Variants in ENTREP2 observed in about 807,000 individuals in gnomAD.
The protein encoded by ENTREP2 is protein ENTREP2.
At chr15:29,511,493 T>C in the ENTREP2 span, among the ~76,000 whole-genome samples, 2 of 151,140 alleles carry the variant, frequency 1.3e-5, no homozygotes, top group African/African-American at 4.9e-5. Context: ...CATGTCCAGC[T>C]GATTTTTTTT....
At chr15:29,423,128 A>G in the ENTREP2 span, among the ~76,000 whole-genome samples, 5 of 152,314 alleles carry the variant, frequency 3.3e-5, no homozygotes, top group East Asian at 9.6e-4. Flanking sequence ...TAAAATGCAC[A>G]CCACAGGAAA....
the ENTREP2 span, among the ~76,000 whole-genome samples, chr15:29,417,678 TACGTAA>T: frequency 1.3e-5 from 2 of 151,468 alleles, no homozygotes; most frequent in Admixed American, 1.3e-4. Context: ...AATAATAATC[TACGTAA>T]AAAAAGAAAT....
the ENTREP2 span, among the ~76,000 whole-genome samples, chr15:29,147,116 G>A: frequency 0.016 from 2,379 of 152,296 alleles, 63 homozygotes; most frequent in African/African-American, 0.055. Flanking sequence ...AACCCACAGG[G>A]TGGGAGAGAA....
At chr15:29,565,244 G>A in the ENTREP2 span, among the ~76,000 whole-genome samples, 1 of 152,178 alleles carries the variant, frequency 6.6e-6, no homozygotes, top group South Asian at 2.1e-4. Flanking sequence ...ATCCCACGCT[G>A]CAAGAGGACA....
At chr15:29,642,363 A>G in the ENTREP2 span, among the ~76,000 whole-genome samples, 4 of 151,646 alleles carry the variant, frequency 2.6e-5, no homozygotes, top group Non-Finnish European at 5.9e-5. Flanking sequence ...GATTTTCATT[A>G]ATGGTGCCAA....
chr15:29,651,789 G>A, the ENTREP2 span, among the ~76,000 whole-genome samples: 11 of 152,246 alleles, frequency 7.2e-5, no homozygotes, highest in Non-Finnish European at 1.3e-4. Flanking sequence ...CCACGAGCAT[G>A]GGAGGGGAAG....
At chr15:29,441,204 G>A in the ENTREP2 span, among the ~76,000 whole-genome samples, 7 of 152,168 alleles carry the variant, frequency 4.6e-5, no homozygotes, top group Admixed American at 1.3e-4. Context: ...AAAATAAGCC[G>A]ATCACAAAAG....
chr15:29,335,099 G>A, the ENTREP2 span, among the ~76,000 whole-genome samples: 1 of 152,130 alleles, frequency 6.6e-6, no homozygotes, highest in East Asian at 1.9e-4. Flanking sequence ...TCTAGTCACT[G>A]GTCTGTCTCT....
the ENTREP2 span, among the ~76,000 whole-genome samples, chr15:29,410,790 T>C: frequency 1.3e-5 from 2 of 152,148 alleles, 1 homozygote; most frequent in South Asian, 4.1e-4. Flanking sequence ...ACAGAACTTA[T>C]TTTGTTTGTT....
chr15:29,168,989 T>C, the ENTREP2 span, among the ~76,000 whole-genome samples: 15 of 152,240 alleles, frequency 9.9e-5, no homozygotes, highest in African/African-American at 2.4e-4. Flanking sequence ...GTAGACTAAT[T>C]ATTTTCTTAC....
At chr15:29,222,681 G>A in the ENTREP2 span, among the ~76,000 whole-genome samples, 2 of 152,106 alleles carry the variant, frequency 1.3e-5, no homozygotes, top group Admixed American at 1.3e-4. Context: ...AGAATGAGAT[G>A]TTCAGGAGAG....
the ENTREP2 span, among the ~76,000 whole-genome samples, chr15:29,670,914 A>G: frequency 6.6e-6 from 1 of 152,200 alleles, no homozygotes; most frequent in Non-Finnish European, 1.5e-5. Flanking sequence ...TTGTGTACTA[A>G]TGAGATGACT....
At chr15:29,227,329 C>A in the ENTREP2 span, among the ~76,000 whole-genome samples, 20 of 152,304 alleles carry the variant, frequency 1.3e-4, no homozygotes, top group South Asian at 8.3e-4. Flanking sequence ...GTGATCGGGT[C>A]CCAGAAATCT....
At chr15:29,668,268 G>A in the ENTREP2 span, among the ~76,000 whole-genome samples, 2 of 152,120 alleles carry the variant, frequency 1.3e-5, no homozygotes, top group African/African-American at 4.8e-5. Flanking sequence ...CCGGGGAAAC[G>A]CAACAGAAAT....
the ENTREP2 span, among the ~76,000 whole-genome samples, chr15:29,210,841 A>G: frequency 2.6e-5 from 4 of 152,230 alleles, no homozygotes; most frequent in African/African-American, 4.8e-5. Flanking sequence ...ATGGACTACA[A>G]CAAATCCCAG....
chr15:29,161,784 T>C, the ENTREP2 span, among the ~76,000 whole-genome samples: 4 of 152,154 alleles, frequency 2.6e-5, no homozygotes, highest in African/African-American at 4.8e-5. Flanking sequence ...TTAAGTAAAG[T>C]AATGCAGCAC....
the ENTREP2 span, among the ~76,000 whole-genome samples, chr15:29,519,186 C>T: frequency 2.0e-4 from 30 of 152,066 alleles, no homozygotes; most frequent in Non-Finnish European, 3.5e-4. Flanking sequence ...CATACACACA[C>T]AGAGTAGATA....
chr15:29,570,498 C>T, the ENTREP2 span: 2 of 1,337,682 alleles, frequency 1.5e-6, no homozygotes, highest in Non-Finnish European at 9.6e-7. Flanking sequence ...TGGTCGCGGA[C>T]ACTCACCGAG....
the ENTREP2 span, among the ~76,000 whole-genome samples, chr15:29,546,895 A>C: frequency 0.018 from 963 of 52,560 alleles, 20 homozygotes; most frequent in Middle Eastern, 0.028. Context: ...TCAAAAAAAA[A>C]AACAACAACA....
Sources: allele counts gnomAD v4.1 joint callset (sites outside exome capture counted in the v4.1 genomes callset), GRCh38; gene constraint gnomAD v4.1.1; transcripts MANE v1.5; gene names NCBI Gene and HGNC (gene_info 2026-07-23, HGNC 2026-07-21).